Variants in ERAP1 observed in about 807,000 individuals in gnomAD.
ERAP1 encodes the protein endoplasmic reticulum aminopeptidase 1.
ERAP1 carries 86 observed loss-of-function variants against 103.7 expected under a neutral mutation model. That is an observed-to-expected ratio of 0.83 (90% confidence interval 0.70 to 0.99). ERAP1 has a LOEUF of 0.99. Ranked by LOEUF, ERAP1 falls within the 50% of genes least tolerant of loss-of-function variation. The pLI, the probability that ERAP1 is intolerant of heterozygous loss-of-function variation, is 0.00. For synonymous variants in ERAP1, 398 were observed against 402.4 expected (o/e 0.99, Z 0.13); for missense variants, 1,009 against 1,128.4 (o/e 0.89, Z 1.52).
intron 10 of ERAP1, 66 bp from the exon 11 acceptor site, chr5:96,788,751 C>G (rs1776387288): frequency 6.4e-7 from 1 of 1,574,678 alleles, no homozygotes; most frequent in African/African-American, 1.3e-5. Flanking sequence ...AGAGAGAACA[C>G]CAGCTTATGC....
the ERAP1 span, among the ~76,000 whole-genome samples, chr5:96,858,153 G>A: frequency 1.3e-5 from 2 of 151,700 alleles, no homozygotes; most frequent in Non-Finnish European, 2.9e-5. Context: ...GATTAATTTG[G>A]TTACAGCAAA....
chr5:96,785,702 A>T, intron 13 of ERAP1, 86 bp downstream of exon 13: 1 of 1,412,938 alleles, frequency 7.1e-7, no homozygotes, highest in Non-Finnish European at 9.9e-7. Context: ...GTTATCAATC[A>T]ATCATTTTTG....
At chr5:96,931,624 A>C in the ERAP1 span, among the ~76,000 whole-genome samples, 1 of 152,294 alleles carries the variant, frequency 6.6e-6, no homozygotes, top group Non-Finnish European at 1.5e-5. Flanking sequence ...CCTCATTTTC[A>C]TTTCCAGTGA....
rs762545794 is a variant in ERAP1 at position 96,780,422 on chromosome 5, C to T, written c.2670+1G>A. Reference sequence around the variant, plus strand: ...TATATATATAGATTTTTTTTTTTTACCTCTTCAAGCCGTGTTCTTGTGGAG... The same window carrying T: ...TATATATATAGATTTTTTTTTTTTATCTCTTCAAGCCGTGTTCTTGTGGAG... On this transcript the variant is annotated splice_donor_variant, in intron 18 of 18. Transcript: ENST00000443439. LOFTEE classifies it high-confidence loss of function. The T allele has an allele frequency of 7.2e-5, 112 of 1,562,500 alleles. No individual in the cohort carries two copies. The highest frequency in any genetic ancestry group is 6.9e-4 in the Middle Eastern group (4 of 5,816).
In ERAP1 at chr5:96,783,974, A is replaced by G; in HGVS notation, c.2050T>C (p.Tyr684His). The G allele has an allele frequency of 6.2e-7, 1 of 1,613,968 alleles. No individual in the cohort carries two copies. The highest frequency in any genetic ancestry group is 1.1e-5 in the South Asian group (1 of 91,074). The change falls in exon 14 of 19, where the codon TAT becomes CAT. Residue 684 changes from tyrosine to histidine, a missense_variant. Around this residue, in one of 3 missense-constraint regions of ERAP1, gnomAD observed 611 missense variants for 651.7 expected, o/e 0.94. Coordinates refer to ENST00000443439, the MANE Select transcript of ERAP1 (RefSeq NM_001040458.3). The stretch of plus-strand genomic sequence containing the variant: ...ATATCTCTTTTCTCCATTAACTTAT[A>G]CATAGGAATCAGCTCATTCAAACCT... ...FQGLNELIPM[Y>H]KLMEKRDMNE...
the ERAP1 span, among the ~76,000 whole-genome samples, chr5:96,877,344 A>G: frequency 2.0e-5 from 3 of 152,204 alleles, no homozygotes; most frequent in African/African-American, 7.2e-5. Context: ...TTCTAAAGTT[A>G]AAGACTGTGT....
the ERAP1 span, among the ~76,000 whole-genome samples, chr5:96,898,008 C>T: frequency 6.6e-6 from 1 of 152,272 alleles, no homozygotes; most frequent in African/African-American, 2.4e-5. Flanking sequence ...ACCAGCCTGG[C>T]CAATTCGTGG....
intron 19 of ERAP1, chr5:96,767,882 AT>A: frequency 6.6e-7 from 1 of 1,506,972 alleles, no homozygotes; most frequent in South Asian, 1.1e-5. Context: ...TTCTTCACTG[AT>A]GGTTATTTCT....
the ERAP1 span, chr5:96,886,818 G>C: frequency 3.6e-6 from 5 of 1,378,986 alleles, no homozygotes; most frequent in Non-Finnish European, 1.9e-6. Context: ...GTTCTACGCA[G>C]TGCAGAAAAG....
At chr5:96,773,477 T>C (rs769307024), downstream of ERAP1, 29 of 152,360 alleles carry the variant, frequency 1.9e-4, no homozygotes, top group Non-Finnish European at 2.8e-4. Flanking sequence ...TATCTATACA[T>C]AAAACCTGAG....
the ERAP1 span, among the ~76,000 whole-genome samples, chr5:96,821,471 G>A: frequency 4.6e-5 from 7 of 152,150 alleles, no homozygotes; most frequent in Admixed American, 1.3e-4. Flanking sequence ...GTGGGCACAC[G>A]TAGGGGAAGG....
the ERAP1 span, among the ~76,000 whole-genome samples, chr5:96,845,013 T>C: frequency 1.3e-5 from 2 of 152,286 alleles, no homozygotes; most frequent in East Asian, 1.9e-4. Flanking sequence ...AAGCATTGTG[T>C]TTTTCAAAGT....
chr5:96,881,778 G>A, the ERAP1 span, among the ~76,000 whole-genome samples: 1 of 152,170 alleles, frequency 6.6e-6, no homozygotes, highest in Non-Finnish European at 1.5e-5. Context: ...GGGACACGGG[G>A]GAGAGATAAG....
At chr5:96,870,851 C>T in the ERAP1 span, among the ~76,000 whole-genome samples, 2 of 152,212 alleles carry the variant, frequency 1.3e-5, no homozygotes, top group African/African-American at 4.8e-5. Flanking sequence ...CACTTTAGCA[C>T]ACTCTACCCA....
At chr5:96,860,843 A>T in the ERAP1 span, among the ~76,000 whole-genome samples, 1 of 152,196 alleles carries the variant, frequency 6.6e-6, no homozygotes, top group African/African-American at 2.4e-5. Context: ...TCCAGCCTCC[A>T]TTATAGCCAA....
At chr5:96,821,397 C>CCACATTCCT in the ERAP1 span, among the ~76,000 whole-genome samples, 1 of 152,312 alleles carries the variant, frequency 6.6e-6, no homozygotes, top group South Asian at 2.1e-4. Context: ...AAAGAAACTG[C>CCACATTCCT]CACATTCCTC....
At chr5:96,868,352 A>G in the ERAP1 span, among the ~76,000 whole-genome samples, 4 of 152,220 alleles carry the variant, frequency 2.6e-5, no homozygotes, top group African/African-American at 7.2e-5. Context: ...CCTTGGAAAT[A>G]CAACCTACCA....
chr5:96,792,417 G>C (rs1030097607), intron 7 of ERAP1, among the ~76,000 whole-genome samples: 1 of 152,110 alleles, frequency 6.6e-6, no homozygotes, highest in African/African-American at 2.4e-5. Context: ...TTCATCTTAA[G>C]TCCTTTAGAA....
the ERAP1 span, among the ~76,000 whole-genome samples, chr5:96,881,686 A>G: frequency 0.019 from 2,959 of 152,156 alleles, 88 homozygotes; most frequent in East Asian, 0.11. Context: ...CTGCTCAGCC[A>G]TCCTATGGCT....
Sources: allele counts gnomAD v4.1 joint callset (sites outside exome capture counted in the v4.1 genomes callset), GRCh38; gene constraint gnomAD v4.1.1; regional missense constraint gnomAD v4.1.1; transcripts MANE v1.5; gene names NCBI Gene and HGNC (gene_info 2026-07-23, HGNC 2026-07-21).